Variants in ABHD6 observed in about 807,000 individuals in gnomAD.
ABHD6 encodes monoacylglycerol lipase ABHD6.
Under a neutral mutation model 38.8 loss-of-function variants are expected in ABHD6, and 33 were observed. The ratio of observed to expected loss-of-function variants is 0.85; its 90% CI spans 0.64 to 1.14. ABHD6 has a LOEUF of 1.14. Ranked by LOEUF, ABHD6 falls within the 50% of genes most tolerant of loss-of-function variation. The pLI is 0.00. For missense variants in ABHD6, 380 were observed against 422.6 expected, an observed-to-expected ratio of 0.90 and a Z score of 0.88; for synonymous variants, 147 against 161.6, an observed-to-expected ratio of 0.91 and a Z score of 0.69.
intron 7 of ABHD6, among the ~76,000 whole-genome samples, chr3:58,280,417 C>T (rs1195554093): frequency 6.6e-5 from 10 of 152,120 alleles, no homozygotes; most frequent in African/African-American, 9.7e-5. Context: ...ATGAAGTTCT[C>T]GTGCCATGGT....
At chr3:58,283,693 T>G (rs144714083) in intron 7 of ABHD6, among the ~76,000 whole-genome samples, 246 of 152,248 alleles carry the variant, frequency 1.6e-3, no homozygotes, top group Middle Eastern at 3.4e-3. Context: ...TGGGAGGATA[T>G]CTGGTTAATG....
intron 1 of ABHD6, among the ~76,000 whole-genome samples, chr3:58,247,265 AG>A (rs1295462043): frequency 6.6e-6 from 1 of 152,070 alleles, no homozygotes; most frequent in Non-Finnish European, 1.5e-5. Context: ...CAGCCTCCCA[AG>A]GTGCTGGGAT....
intron 9 of ABHD6, among the ~76,000 whole-genome samples, chr3:58,291,374 G>C (rs2097462814): frequency 6.6e-6 from 1 of 151,986 alleles, no homozygotes; most frequent in South Asian, 2.1e-4. Flanking sequence ...CCTGGAAAGA[G>C]AGGGAGAGGG....
At chr3:58,252,312 C>T (rs2097430590) in intron 2 of ABHD6, among the ~76,000 whole-genome samples, 1 of 146,286 alleles carries the variant, frequency 6.8e-6, no homozygotes, top group Non-Finnish European at 1.5e-5. Flanking sequence ...CCTCCAGGCT[C>T]AAGTAATCCT....
At chr3:58,264,043 T>C (rs2097439011) in intron 3 of ABHD6, among the ~76,000 whole-genome samples, 1 of 152,188 alleles carries the variant, frequency 6.6e-6, no homozygotes, top group Non-Finnish European at 1.5e-5. Context: ...CTTGACATCA[T>C]GTCATAAATA....
Position 58,267,098 on chromosome 3 carries a change from G to A in ABHD6, c.120-91G>A, listed in dbSNP as rs1342086406. On this transcript the variant is annotated intron_variant, in intron 3 of 9. Coordinates refer to ENST00000478253, the MANE Select transcript of ABHD6 (RefSeq NM_001320126.2). This position sits in a 1 kb window ranked among gnomAD's most constrained non-coding sequence, Gnocchi z 4.3. ...GAGAAGTGTTTGTGTTATCACTAAG[G>A]AAGACTTATAGAGAGGACCTGTGCC... is the stretch of plus-strand genomic sequence containing the variant. The A allele has an allele frequency of 6.6e-6, 9 of 1,364,228 alleles. No homozygotes were observed. The allele number at this position is 1,364,228 out of a possible 1,614,324, so 84.5% of individuals were successfully genotyped here. A position where few individuals can be genotyped will look rare whatever the true frequency, so the allele number is the denominator to read the frequency against.
intron 1 of ABHD6, among the ~76,000 whole-genome samples, chr3:58,246,915 G>C (rs2097426802): frequency 6.6e-6 from 1 of 152,110 alleles, no homozygotes; most frequent in Non-Finnish European, 1.5e-5. Context: ...TAATAGAGTG[G>C]GCTGCTAGGC....
chr3:58,289,726 G>A (rs2097460219), intron 9 of ABHD6, among the ~76,000 whole-genome samples: 2 of 152,204 alleles, frequency 1.3e-5, no homozygotes, highest in African/African-American at 4.8e-5. Flanking sequence ...TTGTCATCAT[G>A]GCCTATTCTC....
chr3:58,293,745 A>G lies in ABHD6; in HGVS notation c.994A>G (p.Asn332Asp). ...TTTAGCTTCTGTGCACAACACAGACAACAACAAGAAGCTGGACTGAGGCCC... is the reference window on the plus strand; with the variant it reads ...TTTAGCTTCTGTGCACAACACAGACGACAACAAGAAGCTGGACTGAGGCCC... ...DFLASVHNTDNNKKLD is the reference protein window; with the variant it reads ...DFLASVHNTDDNKKLD The change falls in exon 10 of 10, where the codon AAC (asparagine) becomes GAC (aspartate). Residue 332 changes from asparagine (N) to aspartate (D), a missense_variant. Transcript: ENST00000478253. The surrounding 1 kb of genome is among the most constrained non-coding windows in gnomAD (Gnocchi z 4.4). 6.2e-7 allele frequency: 1 copy of G among 1,614,154 alleles called. No homozygotes were observed. The highest frequency in any genetic ancestry group is 8.5e-7 in the Non-Finnish European group (1 of 1,179,998).
At chr3:58,289,202 G>C (rs1412777466) in intron 9 of ABHD6, among the ~76,000 whole-genome samples, 2 of 151,416 alleles carry the variant, frequency 1.3e-5, no homozygotes, top group Non-Finnish European at 2.9e-5. Flanking sequence ...CTACAGGCAT[G>C]TGCCACCACA....
At chr3:58,289,051 G>T (rs1393646742) in intron 9 of ABHD6, among the ~76,000 whole-genome samples, 4 of 151,732 alleles carry the variant, frequency 2.6e-5, no homozygotes, top group Non-Finnish European at 5.9e-5. Flanking sequence ...TTGGGCAGGG[G>T]GGTTGTTTGT....
At chr3:58,290,243 T>A (rs1186342325) in intron 9 of ABHD6, among the ~76,000 whole-genome samples, 1 of 92,822 alleles carries the variant, frequency 1.1e-5, no homozygotes. Flanking sequence ...TAGGGGCGGC[T>A]GGGCAGAGGC....
At chr3:58,280,259 C>T (rs2097452118) in intron 7 of ABHD6, among the ~76,000 whole-genome samples, 1 of 152,136 alleles carries the variant, frequency 6.6e-6, no homozygotes, top group Admixed American at 6.6e-5. Flanking sequence ...TTCACATAGT[C>T]CCGTATTTCT....
chr3:58,280,585 A>G (rs539238784), intron 7 of ABHD6, among the ~76,000 whole-genome samples: 8 of 152,180 alleles, frequency 5.3e-5, no homozygotes, highest in Non-Finnish European at 1.2e-4. Flanking sequence ...TCTGAAGCCT[A>G]CTTCTGTCAG....
rs558459244 is a variant in ABHD6, at chr3:58,263,371, C to T, written c.120-3818C>T. Among the ~76,000 whole-genome samples, 8 of 146,526 alleles carry T rather than the reference C, an allele frequency of 5.5e-5. 1 individual carries two copies. The South Asian group carries it at 8.5e-4, about 16-fold the overall frequency. On this transcript the variant is annotated intron_variant, in intron 3 of 9. Transcript: ENST00000478253. This position sits in a 1 kb window ranked among gnomAD's most constrained non-coding sequence, Gnocchi z 4.9. Reference sequence around the variant, plus strand: ...CGCCACTGCACTCCAGCCTAGGCAACGAGAGTGAAACTCCATCTCAAAAAA... The same window carrying T: ...CGCCACTGCACTCCAGCCTAGGCAATGAGAGTGAAACTCCATCTCAAAAAA...
At position 58,293,736 on chromosome 3, in the gene ABHD6, A is replaced by C; in HGVS notation, c.985A>C (p.Asn329His). The C allele has an allele frequency of 6.2e-7, 1 of 1,614,214 alleles. No homozygotes were observed. Among genetic ancestry groups the C allele is most frequent in the Non-Finnish European group, 8.5e-7 (1 of 1,180,034 alleles). ...AATCGACTTTTTAGCTTCTGTGCACAACACAGACAACAACAAGAAGCTGGA... is the reference window on the plus strand; with the variant it reads ...AATCGACTTTTTAGCTTCTGTGCACCACACAGACAACAACAAGAAGCTGGA... ...LIIDFLASVH[N>H]TDNNKKLD Residue 329 changes from asparagine (N) to histidine (H), a missense_variant, in exon 10 of 10, where the codon AAC (asparagine) becomes CAC (histidine). Coordinates refer to ENST00000478253, the MANE Select transcript of ABHD6 (RefSeq NM_001320126.2). The surrounding 1 kb of genome is among the most constrained non-coding windows in gnomAD (Gnocchi z 4.4).
chr3:58,292,385 A>G (rs144011107), intron 9 of ABHD6, among the ~76,000 whole-genome samples: 140 of 152,318 alleles, frequency 9.2e-4, no homozygotes, highest in African/African-American at 3.2e-3. Context: ...TTGAAGGTAA[A>G]GGCAGCTAAG....
Position 58,293,840 on chromosome 3 carries a change from A to C in ABHD6, c.*75A>C. Reference sequence around the variant, plus strand: ...CAAGTCTGACGCAGCCACCACTCTCAGGGATCCTGCCCCAAATGCGGTCGG... The same window carrying C: ...CAAGTCTGACGCAGCCACCACTCTCCGGGATCCTGCCCCAAATGCGGTCGG... On this transcript the variant is annotated 3_prime_UTR_variant, in exon 10 of 10. Coordinates refer to ENST00000478253, the MANE Select transcript of ABHD6 (RefSeq NM_001320126.2). This position sits in a 1 kb window ranked among gnomAD's most constrained non-coding sequence, Gnocchi z 4.4. The C allele has an allele frequency of 1.2e-5, 18 of 1,533,256 alleles. No homozygotes were observed. Among genetic ancestry groups the C allele is most frequent in the Non-Finnish European group, 1.5e-5 (17 of 1,130,272 alleles). 95.0% of individuals were successfully genotyped at this position (1,533,256 alleles called of 1,614,324 possible). A position where few individuals can be genotyped will look rare whatever the true frequency, so the allele number is the denominator to read the frequency against.
In ABHD6 at chr3:58,285,378, G is replaced by A. The variant is rs554415808; in HGVS notation, c.762G>A (p.Lys254=). The A allele has an allele frequency of 3.0e-5, 49 of 1,614,188 alleles. No homozygotes were observed. In the South Asian group the frequency reaches 4.3e-4, roughly 14 times the overall value. Residue 254 remains lysine (K), a synonymous_variant, in exon 9 of 10, where the codon AAG becomes AAA. Coordinates refer to ENST00000478253, the MANE Select transcript of ABHD6 (RefSeq NM_001320126.2). This position sits in a 1 kb window ranked among gnomAD's most constrained non-coding sequence, Gnocchi z 4.9. The part of the protein sequence containing the change: ...RKLFLEIVSE[K]SRYSLHQNMD... ...TGTTTTTGGAAATCGTCAGTGAGAA[G>A]TCCAGATACTCTCTCCATCAGAACA...
Sources: allele counts gnomAD v4.1 joint callset (sites outside exome capture counted in the v4.1 genomes callset), GRCh38; gene constraint gnomAD v4.1.1; non-coding constraint Gnocchi (gnomAD v3.1); transcripts MANE v1.5; gene names NCBI Gene and HGNC (gene_info 2026-07-23, HGNC 2026-07-21).